CD86: variants seen among roughly 807,000 people sequenced by gnomAD.
CD86 encodes T-lymphocyte activation antigen CD86.
Under a neutral mutation model 32.1 loss-of-function variants are expected in CD86, and 11 were observed. That is an observed-to-expected ratio of 0.34 (90% confidence interval 0.22 to 0.57). CD86 has a LOEUF of 0.57. Among genes scored for constraint, CD86 ranks in the 20% least tolerant of loss-of-function variants. CD86 has a pLI of 0.86. For synonymous variants in CD86, 137 were observed against 135.3 expected, an observed-to-expected ratio of 1.01 and a Z score of -0.09; for missense variants, 359 against 398.4, an observed-to-expected ratio of 0.90 and a Z score of 0.84.
At chr3:122,103,967 G>C in intron 3 of CD86, 120 bp downstream of exon 3, 1 of 752,232 alleles carries the variant, frequency 1.3e-6, no homozygotes. Context: ...TCTATAGAGA[G>C]AAGGCAGAGG....
intron 3 of CD86, among the ~76,000 whole-genome samples, chr3:122,105,151 T>C (rs1459473754): frequency 6.6e-6 from 1 of 152,228 alleles, no homozygotes; most frequent in East Asian, 1.9e-4. Flanking sequence ...TGTGGTCAGG[T>C]ACCATTGGAA....
chr3:122,058,474 C>G (rs987221378), intron 1 of CD86, among the ~76,000 whole-genome samples: 4 of 152,160 alleles, frequency 2.6e-5, no homozygotes, highest in African/African-American at 9.7e-5. Flanking sequence ...TGACTCAGAG[C>G]TACTGGGGCT....
chr3:122,117,288 T>C (rs2073269309), intron 5 of CD86, among the ~76,000 whole-genome samples: 1 of 152,236 alleles, frequency 6.6e-6, no homozygotes, highest in South Asian at 2.1e-4. Flanking sequence ...AAAAGCTGAT[T>C]GTTTTTAAAT....
At chr3:122,079,537 G>A (rs1476817775) in intron 1 of CD86, among the ~76,000 whole-genome samples, 4 of 152,196 alleles carry the variant, frequency 2.6e-5, no homozygotes, top group African/African-American at 4.8e-5. Context: ...TTTTTCCACA[G>A]TCCATTCTAG....
chr3:122,060,387 T>TA (rs2072316006), intron 1 of CD86, among the ~76,000 whole-genome samples: 1 of 152,056 alleles, frequency 6.6e-6, no homozygotes, highest in African/African-American at 2.4e-5. Flanking sequence ...AGTCTGGTGA[T>TA]AAAATGAGAC....
chr3:122,062,319 A>G (rs1018153246), intron 1 of CD86, among the ~76,000 whole-genome samples: 1 of 152,162 alleles, frequency 6.6e-6, no homozygotes, highest in African/African-American at 2.4e-5. Flanking sequence ...CAACAATATC[A>G]AGAGTCTTAA....
intron 1 of CD86, among the ~76,000 whole-genome samples, chr3:122,089,661 T>C (rs2072781683): frequency 6.6e-6 from 1 of 152,258 alleles, no homozygotes; most frequent in African/African-American, 2.4e-5. Context: ...TTTGCAACTA[T>C]TCTTCAACCC....
Position 122,119,656 on chromosome 3 carries a change from C to G in CD86, c.*122C>G, listed in dbSNP as rs1266777778. 3 of 641,662 alleles carry G rather than the reference C, an allele frequency of 4.7e-6. No homozygotes were observed. The highest frequency in any genetic ancestry group is 1.8e-5 in the African/African-American group (1 of 54,288). 39.7% of individuals were successfully genotyped at this position (641,662 alleles called of 1,614,324 possible). The stretch of plus-strand genomic sequence containing the variant: ...CATTACCATGAGTAATAAGGGGGCT[C>G]CAGGACTCCCTCTAAGTGGAATAGC... On this transcript the variant is annotated 3_prime_UTR_variant, in exon 7 of 7. Coordinates refer to ENST00000330540, the MANE Select transcript of CD86 (RefSeq NM_175862.5).
intron 1 of CD86, chr3:122,077,984 T>C: frequency 5.1e-6 from 5 of 985,710 alleles, no homozygotes; most frequent in Non-Finnish European, 6.0e-6. Context: ...TCCTTGGGAA[T>C]GCTGCTGTGC....
intron 5 of CD86, among the ~76,000 whole-genome samples, chr3:122,110,560 A>G (rs2073156989): frequency 6.6e-6 from 1 of 152,214 alleles, no homozygotes. Flanking sequence ...AAATAGATGG[A>G]TGACATTAGC....
chr3:122,119,125 G>A (rs1408075538), intron 6 of CD86, among the ~76,000 whole-genome samples: 3 of 152,118 alleles, frequency 2.0e-5, no homozygotes, highest in Non-Finnish European at 4.4e-5. Context: ...ATGAGAAAGG[G>A]TGCTGAAATC....
intron 1 of CD86, among the ~76,000 whole-genome samples, chr3:122,089,215 T>A (rs946968592): frequency 1.3e-5 from 2 of 152,192 alleles, no homozygotes; most frequent in African/African-American, 4.8e-5. Flanking sequence ...AGAGGCTTAG[T>A]TTTGCAAGAT....
intron 1 of CD86, among the ~76,000 whole-genome samples, chr3:122,080,119 G>A (rs937054688): frequency 5.9e-5 from 9 of 152,072 alleles, no homozygotes; most frequent in Non-Finnish European, 1.2e-4. Context: ...CTTTGACCAT[G>A]ATGCTGTTTC....
In CD86 at chr3:122,083,921, T is replaced by C. The variant is rs118126367; in HGVS notation, c.15-7680T>C. On this transcript the variant is annotated intron_variant, in intron 1 of 6. Coordinates refer to ENST00000330540, the MANE Select transcript of CD86 (RefSeq NM_175862.5). ...TAAAATTAATGTCACCTATTTCTTT[T>C]TAATTTCTTTAATGTGACTACTACA... Among the ~76,000 whole-genome samples, 58 of 152,350 alleles carry C rather than the reference T, an allele frequency of 3.8e-4. No homozygotes were observed. In the East Asian group the frequency reaches 0.011, roughly 29 times the overall value.
At chr3:122,067,613 C>A (rs1320118146) in intron 1 of CD86, among the ~76,000 whole-genome samples, 1 of 152,172 alleles carries the variant, frequency 6.6e-6, no homozygotes, top group African/African-American at 2.4e-5. Flanking sequence ...CTGCAGTCCA[C>A]CAAATGCAAA....
chr3:122,093,411 A>T (rs1165191783), intron 2 of CD86, among the ~76,000 whole-genome samples: 1 of 152,174 alleles, frequency 6.6e-6, no homozygotes, highest in East Asian at 1.9e-4. Context: ...TTATTAGGCG[A>T]TTTTGTCATT....
chr3:122,103,538 T>G lies in CD86; in HGVS notation c.91T>G (p.Tyr31Asp). Residue 31 changes from tyrosine (Y) to aspartate (D), a missense_variant, in exon 3 of 7, where the codon TAT (tyrosine) becomes GAT (aspartate). By Grantham distance (160) the Tyr-to-Asp change is radical. Transcript: ENST00000330540. ...TGCTGCTCCTCTGAAGATTCAAGCT[T>G]ATTTCAATGAGACTGCAGACCTGCC... ...SGAAPLKIQA[Y>D]FNETADLPCQ... 2 of 1,613,020 alleles carry G rather than the reference T, an allele frequency of 1.2e-6. No individual in the cohort carries two copies. The highest frequency in any genetic ancestry group is 2.2e-5 in the South Asian group (2 of 90,880).
At chr3:122,102,976 T>C (rs1469143623) in intron 2 of CD86, among the ~76,000 whole-genome samples, 1 of 150,536 alleles carries the variant, frequency 6.6e-6, no homozygotes, top group Non-Finnish European at 1.5e-5. Flanking sequence ...TAATGAAGTA[T>C]AATAAAGGGG....
chr3:122,060,934 A>T (rs563251439), intron 1 of CD86, among the ~76,000 whole-genome samples: 1 of 152,344 alleles, frequency 6.6e-6, no homozygotes, highest in East Asian at 1.9e-4. Context: ...AGAATGGGAA[A>T]AAAAACCCAT....
Sources: allele counts gnomAD v4.1 joint callset (sites outside exome capture counted in the v4.1 genomes callset), GRCh38; gene constraint gnomAD v4.1.1; transcripts MANE v1.5; gene names NCBI Gene and HGNC (gene_info 2026-07-23, HGNC 2026-07-21).